Variants in SGK1 observed in about 807,000 individuals in gnomAD.
The protein encoded by SGK1 is serine/threonine-protein kinase Sgk1.
A neutral mutation model predicts 64.2 loss-of-function variants in SGK1; 26 were observed. The observed-to-expected ratio is 0.40, with a 90% confidence interval of 0.30 to 0.56. SGK1 has a LOEUF of 0.56. Among genes scored for constraint, SGK1 ranks in the 20% least tolerant of loss-of-function variants. The probability of loss-of-function intolerance (pLI) is 0.38; values close to 1 mark genes in which losing one functional copy is unlikely to be tolerated. For synonymous variants in SGK1, 265 were observed against 239.7 expected (o/e 1.11, Z -0.98); for missense variants, 519 against 645.6 (o/e 0.80, Z 2.12).
At chr6:134,194,509 C>G (rs1032112658) in intron 3 of SGK1, among the ~76,000 whole-genome samples, 2 of 148,076 alleles carry the variant, frequency 1.4e-5, no homozygotes, top group Non-Finnish European at 3.0e-5. Context: ...TTCAATTTGT[C>G]AAAAGTTTTT....
chr6:134,212,310 C>T (rs1304895085), intron 2 of SGK1, among the ~76,000 whole-genome samples: 1 of 152,158 alleles, frequency 6.6e-6, no homozygotes, highest in Admixed American at 6.5e-5. Flanking sequence ...GCTTCAGCCT[C>T]CCAAAGTGCT....
chr6:134,246,826 C>A (rs1297420466), intron 2 of SGK1, among the ~76,000 whole-genome samples: 1 of 152,134 alleles, frequency 6.6e-6, no homozygotes, highest in Non-Finnish European at 1.5e-5. Context: ...CTCCTGACCT[C>A]AGGTGACCCA....
chr6:134,172,702 T>C lies in SGK1; in HGVS notation c.907A>G (p.Ser303Gly). Residue 303 changes from serine to glycine, a missense_variant, in exon 9 of 14, where the codon AGT becomes GGT. Around this residue, in one of 2 missense-constraint regions of SGK1, gnomAD observed 278 missense variants for 408.7 expected, o/e 0.68. Coordinates refer to ENST00000367858, the MANE Select transcript of SGK1 (RefSeq NM_001143676.3). ...AGTGAATGCAGGTAGCCCAAGGCAC[T>C]GGCTATTTCAGCAGCATAGAAACGA... ...RARFYAAEIA[S>G]ALGYLHSLNI... is the part of the protein sequence containing the mutation. The C allele has an allele frequency of 3.1e-6, 5 of 1,613,984 alleles. No homozygotes were observed. Among genetic ancestry groups the C allele is most frequent in the Non-Finnish European group, 4.2e-6 (5 of 1,179,844 alleles).
intron 1 of SGK1, among the ~76,000 whole-genome samples, chr6:134,274,834 C>T (rs1345765071): frequency 6.6e-6 from 1 of 151,396 alleles, no homozygotes; most frequent in Non-Finnish European, 1.5e-5. Context: ...GAGATGGAGT[C>T]TCACTCTGTC....
intron 1 of SGK1, among the ~76,000 whole-genome samples, chr6:134,303,551 T>TA (rs1230268942): frequency 2.0e-5 from 3 of 151,700 alleles, no homozygotes; most frequent in Non-Finnish European, 4.4e-5. Context: ...TGTTCAGATT[T>TA]AAAAAAAAGA....
At chr6:134,248,244 T>C (rs968756229) in intron 2 of SGK1, among the ~76,000 whole-genome samples, 4 of 152,076 alleles carry the variant, frequency 2.6e-5, no homozygotes, top group African/African-American at 9.7e-5. Flanking sequence ...CCAAGTTTAC[T>C]GAAAATCTGT....
intron 1 of SGK1, among the ~76,000 whole-genome samples, chr6:134,276,336 G>A (rs1231936675): frequency 6.6e-6 from 1 of 152,184 alleles, no homozygotes; most frequent in Non-Finnish European, 1.5e-5. Flanking sequence ...GCGAGCATGA[G>A]TTCATCTCTG....
intron 1 of SGK1, chr6:134,297,185 C>T (rs1417709371): frequency 1.9e-5 from 14 of 741,380 alleles, no homozygotes; most frequent in South Asian, 4.1e-5. Flanking sequence ...TGGTGGTCTT[C>T]GTATGGATAC....
chr6:134,172,308 T>C lies in SGK1; in HGVS notation c.956A>G (p.Lys319Arg). The C allele has an allele frequency of 6.2e-7, 1 of 1,610,662 alleles. No individual in the cohort carries two copies. Among genetic ancestry groups the C allele is most frequent in the Non-Finnish European group, 8.5e-7 (1 of 1,178,970 alleles). ...HSLNIVYRDL[K>R]PENILLDSQG... is the part of the protein sequence containing the mutation. ...TGAATCTAGCAAAATATTCTCTGGT[T>C]TTAAGTCTCTGTAAAAAAGTGAATA... The change falls in exon 10 of 14, where the codon AAA (lysine) becomes AGA (arginine). Residue 319 changes from lysine (K) to arginine (R), a missense_variant. Lys to Arg is a conservative substitution (Grantham distance 26). This residue lies in a region of SGK1 where 278 missense variants were observed against 408.7 expected (regional missense o/e 0.68). Coordinates refer to ENST00000367858, the MANE Select transcript of SGK1 (RefSeq NM_001143676.3).
At chr6:134,191,972 C>T (rs1000784324) in intron 3 of SGK1, among the ~76,000 whole-genome samples, 1 of 150,470 alleles carries the variant, frequency 6.6e-6, no homozygotes, top group Non-Finnish European at 1.5e-5. Context: ...GTAGCTGGGA[C>T]GGGGCCCGCC....
At chr6:134,260,718 C>T (rs1040256188) in intron 2 of SGK1, 4 of 151,026 alleles carry the variant, frequency 2.6e-5, no homozygotes, top group Non-Finnish European at 4.4e-5. Context: ...GAAACAGATT[C>T]AGCGACATTG....
chr6:134,173,664 T>G, intron 5 of SGK1, 98 bp from the exon 6 acceptor site: 3 of 779,310 alleles, frequency 3.8e-6, no homozygotes, highest in South Asian at 3.6e-5. Context: ...TACAAATGAC[T>G]GATGCAAATG....
chr6:134,298,345 A>G (rs1582771770), intron 1 of SGK1: 1 of 1,559,992 alleles, frequency 6.4e-7, no homozygotes, highest in Non-Finnish European at 8.8e-7. Context: ...GGTCTCTAGC[A>G]TCTTGTTCTG....
At chr6:134,301,704 C>T (rs1453222719) in intron 1 of SGK1, among the ~76,000 whole-genome samples, 1 of 152,074 alleles carries the variant, frequency 6.6e-6, no homozygotes, top group East Asian at 1.9e-4. Flanking sequence ...GATCTTCCCA[C>T]CTCAGCCTCC....
intron 2 of SGK1, 142 bp from the exon 3 acceptor site, chr6:134,207,573 T>C (rs1302131884): frequency 6.1e-6 from 4 of 656,762 alleles, no homozygotes; most frequent in Non-Finnish European, 1.1e-5. Flanking sequence ...GGTGGTTTTC[T>C]CAGGACCGTG....
chr6:134,300,431 G>A (rs536453173), intron 1 of SGK1, among the ~76,000 whole-genome samples: 13 of 151,064 alleles, frequency 8.6e-5, no homozygotes, highest in Admixed American at 5.3e-4. Flanking sequence ...CTAGCTACTC[G>A]GGAGGCTGTG....
intron 2 of SGK1, among the ~76,000 whole-genome samples, chr6:134,246,124 A>G (rs1046789981): frequency 6.6e-6 from 1 of 151,874 alleles, no homozygotes; most frequent in Non-Finnish European, 1.5e-5. Context: ...TATGATCTTC[A>G]TGGTTGAGGC....
At chr6:134,258,096 C>T (rs1284730661) in intron 2 of SGK1, among the ~76,000 whole-genome samples, 1 of 151,610 alleles carries the variant, frequency 6.6e-6, no homozygotes, top group African/African-American at 2.4e-5. Flanking sequence ...TATAAAAACA[C>T]AAAATATAGA....
chr6:134,215,134 C>CTTTT, intron 2 of SGK1: 3 of 390,546 alleles, frequency 7.7e-6, no homozygotes, highest in Admixed American at 3.0e-5. Flanking sequence ...TTCTTTCTTT[C>CTTTT]TTTTTTTTTT....
Sources: gnomAD v4.1 joint callset for allele counts (sites outside exome capture counted in the v4.1 genomes callset) on GRCh38, gnomAD v4.1.1 for gene constraint, gnomAD v4.1.1 regional missense constraint, MANE v1.5 for transcripts, NCBI Gene and HGNC (gene_info 2026-07-23, HGNC 2026-07-21) for gene names.